TNFSF9: variants seen among roughly 807,000 people sequenced by gnomAD.
TNFSF9 encodes the protein TNF superfamily member 9.
TNFSF9 carries 10 observed loss-of-function variants against 10.3 expected under a neutral mutation model. The ratio of observed to expected loss-of-function variants is 0.97; its 90% CI spans 0.60 to 1.65. The LOEUF (loss-of-function observed/expected upper bound fraction) is 1.65, where lower values mean the gene tolerates loss of function less well. Among genes scored for constraint, TNFSF9 ranks in the 40% most tolerant of loss-of-function variants. The pLI is 0.00. For missense variants in TNFSF9, 361 were observed against 348.9 expected (o/e 1.03, Z -0.28); for synonymous variants, 195 against 176.1 (o/e 1.11, Z -0.85).
chr19:6,532,250 G>A (rs1915160658), intron 1 of TNFSF9, among the ~76,000 whole-genome samples: 1 of 149,956 alleles, frequency 6.7e-6, no homozygotes, highest in Non-Finnish European at 1.5e-5. Context: ...CTTGGGGCAG[G>A]TTGAGCCACC....
chr19:6,531,449 C>G, intron 1 of TNFSF9, 146 bp downstream of exon 1: 2 of 1,185,754 alleles, frequency 1.7e-6, no homozygotes, highest in South Asian at 3.8e-5. Flanking sequence ...CTCCCATTCT[C>G]CATCTAGCAC....
rs753758628 is a variant in TNFSF9 at position 6,534,648 on chromosome 19, C to T, written c.347C>T (p.Ala116Val). Residue 116 changes from alanine (A) to valine (V), a missense_variant, in exon 3 of 3, where the codon GCA becomes GTA. By Grantham distance (64) the Ala-to-Val change is moderately conservative. Coordinates refer to ENST00000245817, the MANE Select transcript of TNFSF9 (RefSeq NM_003811.4). ...PLSWYSDPGL[A>V]GVSLTGGLSY... ...AGCTGGTACAGTGACCCAGGCCTGG[C>T]AGGCGTGTCCCTGACGGGGGGCCTG... 7 of 1,588,294 alleles carry T rather than the reference C, an allele frequency of 4.4e-6. No individual in the cohort carries two copies. Among genetic ancestry groups the T allele is most frequent in the Non-Finnish European group, 6.0e-6 (7 of 1,167,916 alleles).
At chr19:6,532,705 T>C in intron 1 of TNFSF9, 81 bp from the exon 2 acceptor site, 1 of 1,606,328 alleles carries the variant, frequency 6.2e-7, no homozygotes, top group Non-Finnish European at 8.5e-7. Flanking sequence ...CTGGGGACCC[T>C]GACAGCTGAA....
At chr19:6,532,977 C>T (rs141316953) in intron 2 of TNFSF9, among the ~76,000 whole-genome samples, 161 bp downstream of exon 2, 5 of 152,024 alleles carry the variant, frequency 3.3e-5, no homozygotes, top group African/African-American at 1.2e-4. Flanking sequence ...TGAACGCCAC[C>T]GATCCCTCTT....
intron 2 of TNFSF9, 137 bp from the exon 3 acceptor site, chr19:6,534,456 CGCTCCCT>C: frequency 1.5e-6 from 1 of 665,276 alleles, no homozygotes; most frequent in Non-Finnish European, 2.5e-6. Context: ...TCCCCTGTCC[CGCTCCCT>C]GCCCCGCCAT....
At chr19:6,532,696 T>G (rs1391645905) in intron 1 of TNFSF9, 90 bp from the exon 2 acceptor site, 1 of 1,595,620 alleles carries the variant, frequency 6.3e-7, no homozygotes, top group Non-Finnish European at 8.6e-7. Context: ...GCACAGACTC[T>G]GGGGACCCTG....
rs1915249316 is a variant in TNFSF9, at chr19:6,535,553, A to T, written c.*487A>T. 1 of 152,140 alleles carries T rather than the reference A, an allele frequency of 6.6e-6. No individual in the cohort carries two copies. The allele number at this position is 152,140 out of a possible 1,614,324, so 9.4% of individuals were successfully genotyped here. A position where few individuals can be genotyped will look rare whatever the true frequency, so the allele number is the denominator to read the frequency against. ...GCCCAGGCTAGGGGGCTATAGAAACATCTAGAAATAGACTGAAAGAAAATC... is the reference window on the plus strand; with the variant it reads ...GCCCAGGCTAGGGGGCTATAGAAACTTCTAGAAATAGACTGAAAGAAAATC... On this transcript the variant is annotated 3_prime_UTR_variant, in exon 3 of 3. Coordinates refer to ENST00000245817, the MANE Select transcript of TNFSF9 (RefSeq NM_003811.4).
rs1337433846 is a variant in TNFSF9, at chr19:6,531,517, C to G, written c.267+214C>G. Among the ~76,000 whole-genome samples, 14 of 152,046 alleles carry G rather than the reference C, an allele frequency of 9.2e-5. No individual in the cohort carries two copies. The East Asian group carries it at 1.9e-3, about 21-fold the overall frequency. On this transcript the variant is annotated intron_variant, in intron 1 of 2. Transcript: ENST00000245817. ...CCCCTACGACACCTCATCTGTACCC[C>G]AGGCCGGGGGCGGGGAGGAGACCGC...
At position 6,531,143 on chromosome 19, in the gene TNFSF9, T is replaced by A; in HGVS notation, c.107T>A (p.Leu36Gln). The A allele has an allele frequency of 6.2e-7, 1 of 1,602,044 alleles. No homozygotes were observed. Among genetic ancestry groups the A allele is most frequent in the Non-Finnish European group, 8.5e-7 (1 of 1,175,660 alleles). The change falls in exon 1 of 3, where the codon CTG (leucine) becomes CAG (glutamine). Residue 36 changes from leucine (L) to glutamine (Q), a missense_variant. Physicochemically the swap from Leu to Gln is moderately radical, Grantham distance 113. Coordinates refer to ENST00000245817, the MANE Select transcript of TNFSF9 (RefSeq NM_003811.4). ...VLPWALVAGL[L>Q]LLLLLAAACA... ...CCTTGGGCCCTGGTCGCGGGGCTGC[T>A]GCTGCTGCTGCTGCTCGCTGCCGCC...
intron 1 of TNFSF9, 103 bp downstream of exon 1, chr19:6,531,406 C>T (rs1225480042): frequency 7.4e-7 from 1 of 1,350,714 alleles, no homozygotes; most frequent in Non-Finnish European, 9.5e-7. Flanking sequence ...ACCTGTTCTA[C>T]ACTCCCGGCC....
rs2234180 is a variant in TNFSF9 at position 6,535,040 on chromosome 19, G to A, written c.739G>A (p.Gly247Arg). ...CCGGGTGACCCCCGAAATCCCAGCC[G>A]GACTCCCTTCACCGAGGTCGGAATA... is the stretch of plus-strand genomic sequence containing the variant. ...LFRVTPEIPA[G>R]LPSPRSE Residue 247 changes from glycine (G) to arginine (R), a missense_variant, in exon 3 of 3, where the codon GGA becomes AGA. Coordinates refer to ENST00000245817, the MANE Select transcript of TNFSF9 (RefSeq NM_003811.4). 192 of 1,578,476 alleles carry A rather than the reference G, an allele frequency of 1.2e-4. No homozygotes were observed. The African/African-American group carries it at 2.3e-3, about 19-fold the overall frequency.
At position 6,531,145 on chromosome 19, in the gene TNFSF9, C is replaced by T; in HGVS notation, c.109C>T (p.Leu37=). ...LPWALVAGLL[L]LLLLAAACAV... is the part of the protein sequence containing the mutation. ...TTGGGCCCTGGTCGCGGGGCTGCTG[C>T]TGCTGCTGCTGCTCGCTGCCGCCTG... is the stretch of plus-strand genomic sequence containing the variant. The change falls in exon 1 of 3, where the codon CTG becomes TTG. Residue 37 remains leucine, a synonymous_variant. Coordinates refer to ENST00000245817, the MANE Select transcript of TNFSF9 (RefSeq NM_003811.4). 1 of 1,605,388 alleles carries T rather than the reference C, an allele frequency of 6.2e-7. No individual in the cohort carries two copies. Among genetic ancestry groups the T allele is most frequent in the South Asian group, 1.1e-5 (1 of 90,712 alleles).
Position 6,534,812 on chromosome 19 carries a change from C to A in TNFSF9, c.511C>A (p.Arg171Ser), listed in dbSNP as rs374312384. 6.2e-7 allele frequency: 1 copy of A among 1,602,672 alleles called. No individual in the cohort carries two copies. Among genetic ancestry groups the A allele is most frequent in the South Asian group, 1.1e-5 (1 of 89,736 alleles). Residue 171 changes from arginine (R) to serine (S), a missense_variant, in exon 3 of 3, where the codon CGC becomes AGC. Physicochemically the swap from Arg to Ser is moderately radical, Grantham distance 110. Transcript: ENST00000245817. ...VSLALHLQPL[R>S]SAAGAAALAL... ...ACTTGCGCTGCACCTGCAGCCACTG[C>A]GCTCTGCTGCTGGGGCCGCCGCCCT...
At chr19:6,531,432 A>ACCGGGGCTC in intron 1 of TNFSF9, 129 bp downstream of exon 1, 1 of 1,273,348 alleles carries the variant, frequency 7.9e-7, no homozygotes, top group Non-Finnish European at 1.0e-6. Context: ...GAGGAGACCC[A>ACCGGGGCTC]CCGGGGCTCC....
Position 6,534,818 on chromosome 19 carries a change from G to C in TNFSF9, c.517G>C (p.Ala173Pro). 6.2e-7 allele frequency: 1 copy of C among 1,604,190 alleles called. No individual in the cohort carries two copies. The highest frequency in any genetic ancestry group is 8.5e-7 in the Non-Finnish European group (1 of 1,176,732). ...LALHLQPLRS[A>P]AGAAALALTV... ...GCTGCACCTGCAGCCACTGCGCTCTGCTGCTGGGGCCGCCGCCCTGGCTTT... is the reference window on the plus strand; with the variant it reads ...GCTGCACCTGCAGCCACTGCGCTCTCCTGCTGGGGCCGCCGCCCTGGCTTT... The change falls in exon 3 of 3, where the codon GCT becomes CCT. Residue 173 changes from alanine (A) to proline (P), a missense_variant. Ala to Pro is a conservative substitution (Grantham distance 27, BLOSUM62 -1). Coordinates refer to ENST00000245817, the MANE Select transcript of TNFSF9 (RefSeq NM_003811.4).
chr19:6,531,757 AG>A (rs1374291891), intron 1 of TNFSF9, among the ~76,000 whole-genome samples: 1 of 151,220 alleles, frequency 6.6e-6, no homozygotes, highest in African/African-American at 2.4e-5. Flanking sequence ...TCAGCACCCC[AG>A]GCCAGGAGGA....
chr19:6,534,637 C>T lies in TNFSF9; in HGVS notation c.336C>T (p.Asp112=). The T allele has an allele frequency of 6.3e-7, 1 of 1,585,072 alleles. No individual in the cohort carries two copies. Residue 112 remains aspartate (D), a synonymous_variant, in exon 3 of 3, where the codon GAC becomes GAT. Coordinates refer to ENST00000245817, the MANE Select transcript of TNFSF9 (RefSeq NM_003811.4). Reference sequence around the variant, plus strand: ...ATGGGCCCCTGAGCTGGTACAGTGACCCAGGCCTGGCAGGCGTGTCCCTGA... The same window carrying T: ...ATGGGCCCCTGAGCTGGTACAGTGATCCAGGCCTGGCAGGCGTGTCCCTGA... ...LIDGPLSWYS[D]PGLAGVSLTG...
At chr19:6,532,022 C>T (rs1915155878) in intron 1 of TNFSF9, among the ~76,000 whole-genome samples, 1 of 152,196 alleles carries the variant, frequency 6.6e-6, no homozygotes, top group Admixed American at 6.5e-5. Flanking sequence ...CTCTGCATCT[C>T]TGGGGGGAAC....
At position 6,534,695 on chromosome 19, in the gene TNFSF9, G is replaced by A; in HGVS notation, c.394G>A (p.Glu132Lys). 1 of 1,594,742 alleles carries A rather than the reference G, an allele frequency of 6.3e-7. No homozygotes were observed. The highest frequency in any genetic ancestry group is 8.5e-7 in the Non-Finnish European group (1 of 1,171,252). Reference protein sequence around the residue: ...GGLSYKEDTKELVVAKAGVYY... With the variant: ...GGLSYKEDTKKLVVAKAGVYY... ...CCTGAGCTACAAAGAGGACACGAAG[G>A]AGCTGGTGGTGGCCAAGGCTGGAGT... The change falls in exon 3 of 3, where the codon GAG (glutamate) becomes AAG (lysine). Residue 132 changes from glutamate (E) to lysine (K), a missense_variant. Transcript: ENST00000245817.
Sources: gnomAD v4.1 joint callset for allele counts (sites outside exome capture counted in the v4.1 genomes callset) on GRCh38, gnomAD v4.1.1 for gene constraint, MANE v1.5 for transcripts, NCBI Gene and HGNC (gene_info 2026-07-23, HGNC 2026-07-21) for gene names.